ZSWIM2: variants seen among roughly 807,000 people sequenced by gnomAD.
ZSWIM2 encodes zinc finger SWIM-type containing 2, also known as E3 ubiquitin-protein ligase ZSWIM2.
ZSWIM2 carries 38 observed loss-of-function variants against 48.4 expected under a neutral mutation model. The ratio of observed to expected loss-of-function variants is 0.79; its 90% CI spans 0.61 to 1.03. The LOEUF is 1.03. Among genes scored for constraint, ZSWIM2 ranks in the 50% least tolerant of loss-of-function variants. The probability of loss-of-function intolerance (pLI) is 0.00; values close to 1 mark genes in which losing one functional copy is unlikely to be tolerated. For missense variants in ZSWIM2, 776 were observed against 730.2 expected, an observed-to-expected ratio of 1.06 and a Z score of -0.72; for synonymous variants, 240 against 251.3, an observed-to-expected ratio of 0.96 and a Z score of 0.42.
intron 5 of ZSWIM2, among the ~76,000 whole-genome samples, chr2:186,834,612 A>C (rs1347913476): frequency 6.6e-6 from 1 of 151,776 alleles, no homozygotes; most frequent in Non-Finnish European, 1.5e-5. Flanking sequence ...TCCCCCAATA[A>C]CCCCCATGGA....
chr2:186,844,973 A>G (rs1691970417), intron 2 of ZSWIM2, among the ~76,000 whole-genome samples: 1 of 151,582 alleles, frequency 6.6e-6, no homozygotes, highest in Non-Finnish European at 1.5e-5. Context: ...AATGAAAACA[A>G]ATGACATTTG....
At chr2:186,837,106 A>C (rs529657398) in intron 5 of ZSWIM2, among the ~76,000 whole-genome samples, 200 bp downstream of exon 5, 20 of 152,180 alleles carry the variant, frequency 1.3e-4, no homozygotes, top group African/African-American at 4.8e-4. Flanking sequence ...ACAGGAGAAG[A>C]AAATAAAACG....
rs1301099365 is a variant in ZSWIM2, at chr2:186,844,760, A to G, written c.243-3T>C. The G allele has an allele frequency of 3.8e-6, 6 of 1,559,576 alleles. No individual in the cohort carries two copies. Among genetic ancestry groups the G allele is most frequent in the Non-Finnish European group, 5.2e-6 (6 of 1,158,346 alleles). ...GCTTGAATTTTTTCAACAAGACCCTAACATTCACAAGTAGAAAAAAAATCA... is the reference window on the plus strand; with the variant it reads ...GCTTGAATTTTTTCAACAAGACCCTGACATTCACAAGTAGAAAAAAAATCA... On this transcript the variant is annotated splice_polypyrimidine_tract_variant and splice_region_variant and intron_variant, in intron 2 of 8. Coordinates refer to ENST00000295131, the MANE Select transcript of ZSWIM2 (RefSeq NM_182521.3).
At chr2:186,837,843 A>ATT (rs987742059) in intron 4 of ZSWIM2, among the ~76,000 whole-genome samples, 1 of 150,878 alleles carries the variant, frequency 6.6e-6, no homozygotes, top group Non-Finnish European at 1.5e-5. Flanking sequence ...AAATATTTTC[A>ATT]TTTGTAAAGT....
intron 3 of ZSWIM2, among the ~76,000 whole-genome samples, chr2:186,842,156 T>G (rs10166171): frequency 0.013 from 1,906 of 151,468 alleles, 38 homozygotes; most frequent in African/African-American, 0.043. Context: ...TGAATGATGT[T>G]CAAAACATTC....
intron 3 of ZSWIM2, among the ~76,000 whole-genome samples, chr2:186,842,094 C>A (rs1357182185): frequency 1.3e-5 from 2 of 151,072 alleles, no homozygotes; most frequent in Non-Finnish European, 3.0e-5. Context: ...TTCTTATATG[C>A]AACACTGGAA....
chr2:186,832,992 C>T (rs112542549), intron 7 of ZSWIM2, 128 bp downstream of exon 7: 6 of 406,262 alleles, frequency 1.5e-5, no homozygotes, highest in African/African-American at 4.3e-5. Flanking sequence ...TGGTACAATG[C>T]CACCTAGTAT....
rs757952781 is a variant in ZSWIM2, at chr2:186,837,492, G to A, written c.557C>T (p.Thr186Ile). 1 of 1,612,004 alleles carries A rather than the reference G, an allele frequency of 6.2e-7. No individual in the cohort carries two copies. The stretch of plus-strand genomic sequence containing the variant: ...ACATTTCAACATGGAAGTGTTTGAT[G>A]TACTCTGATAATTAGCTAAGATCTT... ...CMKILANYQS[T>I]SNTSMLKCPL... is the part of the protein sequence containing the mutation. The change falls in exon 5 of 9, where the codon ACA becomes ATA. Residue 186 changes from threonine to isoleucine, a missense_variant. Coordinates refer to ENST00000295131, the MANE Select transcript of ZSWIM2 (RefSeq NM_182521.3).
intron 4 of ZSWIM2, among the ~76,000 whole-genome samples, chr2:186,838,658 T>C (rs183673901): frequency 9.5e-5 from 14 of 147,506 alleles, no homozygotes; most frequent in African/African-American, 3.4e-4. Context: ...AACATATATA[T>C]ACACACACAT....
intron 3 of ZSWIM2, among the ~76,000 whole-genome samples, chr2:186,842,058 C>T (rs757386659): frequency 1.3e-5 from 2 of 150,866 alleles, no homozygotes; most frequent in East Asian, 1.9e-4. Flanking sequence ...TCATTTTTGT[C>T]GGTCTTTGAA....
At chr2:186,837,630 T>A (rs893137405) in intron 4 of ZSWIM2, 76 bp from the exon 5 acceptor site, 82 of 371,378 alleles carry the variant, frequency 2.2e-4, no homozygotes, top group Middle Eastern at 1.2e-3. Context: ...ATATATATAT[T>A]ATATATATAT....
At chr2:186,848,358 A>G (rs916865497) in intron 1 of ZSWIM2, among the ~76,000 whole-genome samples, 3 of 152,180 alleles carry the variant, frequency 2.0e-5, no homozygotes, top group African/African-American at 7.2e-5. Flanking sequence ...AAAATTTTGT[A>G]AGTCAACTCC....
At chr2:186,843,788 A>G (rs1228459654) in intron 3 of ZSWIM2, among the ~76,000 whole-genome samples, 1 of 151,592 alleles carries the variant, frequency 6.6e-6, no homozygotes, top group African/African-American at 2.4e-5. Flanking sequence ...CAGAGTTAAC[A>G]GTTGGAGACA....
At chr2:186,828,872 AT>A in intron 8 of ZSWIM2, 82 bp from the exon 9 acceptor site, 1 of 828,862 alleles carries the variant, frequency 1.2e-6, no homozygotes, top group Non-Finnish European at 1.7e-6. Context: ...CAGTTTCATA[AT>A]TTTATGATTA....
intron 3 of ZSWIM2, among the ~76,000 whole-genome samples, chr2:186,842,184 A>G (rs1691915811): frequency 6.6e-6 from 1 of 151,340 alleles, no homozygotes; most frequent in African/African-American, 2.4e-5. Flanking sequence ...ATTACAAGTA[A>G]CATTCCCTCC....
At position 186,838,928 on chromosome 2, in the gene ZSWIM2, G is replaced by GT. The variant is rs767657931; in HGVS notation, c.494+30dup. The stretch of plus-strand genomic sequence containing the variant: ...AAATATGTTTTAGAATTTTTAATTA[G>GT]TTTTAAGAATCTAAAGAAAAAGTAC... On this transcript the variant is annotated intron_variant, in intron 4 of 8. Coordinates refer to ENST00000295131, the MANE Select transcript of ZSWIM2 (RefSeq NM_182521.3). The GT allele has an allele frequency of 5.7e-6, 9 of 1,582,326 alleles. No individual in the cohort carries two copies. The East Asian group carries it at 2.0e-4, about 36-fold the overall frequency.
At chr2:186,834,078 T>C (rs1374064766) in intron 5 of ZSWIM2, 48 bp from the exon 6 acceptor site, 2 of 1,456,762 alleles carry the variant, frequency 1.4e-6, no homozygotes, top group Non-Finnish European at 9.5e-7. Flanking sequence ...AATCCAATTA[T>C]TGTGATGGTT....
intron 2 of ZSWIM2, among the ~76,000 whole-genome samples, chr2:186,845,284 G>A (rs1272265466): frequency 6.6e-6 from 1 of 151,262 alleles, no homozygotes; most frequent in Non-Finnish European, 1.5e-5. Flanking sequence ...AGTATATGAA[G>A]CACTTTGATT....
chr2:186,847,907 G>T (rs1692035901), intron 1 of ZSWIM2, 112 bp from the exon 2 acceptor site: 2 of 630,160 alleles, frequency 3.2e-6, no homozygotes, highest in Non-Finnish European at 5.4e-6. Flanking sequence ...GATTCAAAAA[G>T]GTTGAATAGA....
Sources: allele counts gnomAD v4.1 joint callset (sites outside exome capture counted in the v4.1 genomes callset), GRCh38; gene constraint gnomAD v4.1.1; transcripts MANE v1.5; gene names NCBI Gene and HGNC (gene_info 2026-07-23, HGNC 2026-07-21).